The following SV2B variants were observed in gnomAD, a reference collection of about 807,000 sequenced individuals.
SV2B encodes synaptic vesicle glycoprotein 2B.
A neutral mutation model predicts 73.9 loss-of-function variants in SV2B; 41 were observed. The ratio of observed to expected loss-of-function variants is 0.56; its 90% CI spans 0.43 to 0.72. The LOEUF is 0.72. Among genes scored for constraint, SV2B ranks in the 30% least tolerant of loss-of-function variants. SV2B has a pLI of 0.00. For synonymous variants in SV2B, 314 were observed against 314.2 expected (o/e 1.00, Z 0.01); for missense variants, 764 against 857.8 (o/e 0.89, Z 1.37).
In SV2B at chr15:91,229,239, G is replaced by T. The variant is rs944518954; in HGVS notation, c.451+2525G>T. Among the ~76,000 whole-genome samples the T allele has an allele frequency of 6.6e-6, 1 of 151,966 alleles. No homozygotes were observed. Among genetic ancestry groups the T allele is most frequent in the Non-Finnish European group, 1.5e-5 (1 of 68,016 alleles). ...ACTGGAGTCCAACCTCTAGGGTTTG[G>T]CGACTGGGTACGTCCTACATGTCAT... On this transcript the variant is annotated intron_variant, in intron 2 of 12. Transcript: ENST00000394232. This position sits in a 1 kb window ranked among gnomAD's most constrained non-coding sequence, Gnocchi z 4.3.
At position 91,240,079 on chromosome 15, in the gene SV2B, C is replaced by A. The variant is rs2046947013; in HGVS notation, c.452-11740C>A. Among the ~76,000 whole-genome samples, 3 of 152,140 alleles carry A rather than the reference C, an allele frequency of 2.0e-5. No individual in the cohort carries two copies. Among genetic ancestry groups the A allele is most frequent in the Admixed American group, 2.0e-4 (3 of 15,290 alleles). On this transcript the variant is annotated intron_variant, in intron 2 of 12. Coordinates refer to ENST00000394232, the MANE Select transcript of SV2B (RefSeq NM_001323032.3). This position sits in a 1 kb window ranked among gnomAD's most constrained non-coding sequence, Gnocchi z 4.6. The stretch of plus-strand genomic sequence containing the variant: ...TCTCTGAACACGTTTAATACCTGAA[C>A]AAAAGCCAGGGTTCCCTTAGCAAGG...
rs2042242378 is a variant in SV2B at position 91,118,626 on chromosome 15, C to T, written c.-392+18263C>T. Among the ~76,000 whole-genome samples, 1 of 152,140 alleles carries T rather than the reference C, an allele frequency of 6.6e-6. No individual in the cohort carries two copies. Among genetic ancestry groups the T allele is most frequent in the Admixed American group, 6.5e-5 (1 of 15,274 alleles). On this transcript the variant is annotated intron_variant, in intron 1 of 12. Transcript: ENST00000394232. This position sits in a 1 kb window ranked among gnomAD's most constrained non-coding sequence, Gnocchi z 4.7. ...GGGTCTGAAGCGGGACCCAGCTGCC[C>T]CTTTCTGAGAGGCTCCCTACTGCCC...
intron 1 of SV2B, among the ~76,000 whole-genome samples, chr15:91,206,714 G>A (rs1450031870): frequency 6.6e-6 from 1 of 152,018 alleles, no homozygotes; most frequent in Non-Finnish European, 1.5e-5. Flanking sequence ...TTGTTAGCTG[G>A]TATACTCATA....
chr15:91,142,823 T>C (rs1039146557), intron 1 of SV2B, among the ~76,000 whole-genome samples: 1 of 152,240 alleles, frequency 6.6e-6, no homozygotes, highest in Non-Finnish European at 1.5e-5. Flanking sequence ...GACAGTAGGG[T>C]CCATTCTAAA....
chr15:91,150,549 G>A (rs2043283577), intron 1 of SV2B, among the ~76,000 whole-genome samples: 2 of 152,168 alleles, frequency 1.3e-5, no homozygotes, highest in Admixed American at 6.5e-5. Context: ...TACACACTTG[G>A]ATTTGTTTGT....
intron 1 of SV2B, among the ~76,000 whole-genome samples, chr15:91,108,895 G>C (rs2041962347): frequency 1.3e-5 from 2 of 152,180 alleles, no homozygotes; most frequent in Non-Finnish European, 2.9e-5. Context: ...AGAAGCCTGT[G>C]GTCCCGTTAA....
intron 1 of SV2B, among the ~76,000 whole-genome samples, chr15:91,179,787 T>C (rs1346939060): frequency 6.6e-5 from 10 of 152,232 alleles, no homozygotes; most frequent in African/African-American, 1.9e-4. Context: ...TATGTGTGTC[T>C]CTGCCCGTGA....
intron 1 of SV2B, among the ~76,000 whole-genome samples, chr15:91,163,895 A>G (rs1443191722): frequency 1.3e-5 from 2 of 152,156 alleles, no homozygotes; most frequent in East Asian, 1.9e-4. Context: ...TTATGGTTTT[A>G]GGTCTAACAT....
chr15:91,150,082 C>A (rs2043267648), intron 1 of SV2B, among the ~76,000 whole-genome samples: 1 of 152,154 alleles, frequency 6.6e-6, no homozygotes, highest in Non-Finnish European at 1.5e-5. Flanking sequence ...TTGGCTACTG[C>A]AACCTCCACC....
chr15:91,111,840 G>A (rs2042043755), intron 1 of SV2B, among the ~76,000 whole-genome samples: 1 of 152,126 alleles, frequency 6.6e-6, no homozygotes. Context: ...CAGCAGGCAT[G>A]TCACATGGCA....
intron 1 of SV2B, among the ~76,000 whole-genome samples, chr15:91,203,704 A>G (rs1275103930): frequency 8.5e-5 from 13 of 152,232 alleles, no homozygotes; most frequent in Admixed American, 8.5e-4. Context: ...GCTCTGGAAT[A>G]TGGAGACCTG....
chr15:91,287,823 C>T (rs535086291), intron 11 of SV2B, among the ~76,000 whole-genome samples: 1 of 152,162 alleles, frequency 6.6e-6, no homozygotes, highest in Non-Finnish European at 1.5e-5. Context: ...GTGAGGCACC[C>T]AGACACTAGC....
At chr15:91,135,584 G>T (rs1417836998) in intron 1 of SV2B, among the ~76,000 whole-genome samples, 2 of 152,198 alleles carry the variant, frequency 1.3e-5, no homozygotes, top group Non-Finnish European at 2.9e-5. Flanking sequence ...TAACTGTGGG[G>T]CTGAATGTAA....
chr15:91,186,702 A>G (rs1174190057), intron 1 of SV2B, among the ~76,000 whole-genome samples: 1 of 152,054 alleles, frequency 6.6e-6, no homozygotes, highest in African/African-American at 2.4e-5. Context: ...GACGCTGGAG[A>G]CTCAGAAGGC....
At chr15:91,099,773 C>T (rs539742175), upstream of SV2B, among the ~76,000 whole-genome samples, 1 of 152,286 alleles carries the variant, frequency 6.6e-6, no homozygotes, top group East Asian at 1.9e-4. Context: ...TTGGGGGCGG[C>T]GTGATCAGAG....
At chr15:91,278,603 C>T (rs1376139029) in intron 9 of SV2B, among the ~76,000 whole-genome samples, 12 of 125,314 alleles carry the variant, frequency 9.6e-5, no homozygotes, top group South Asian at 2.4e-4. Flanking sequence ...GGCGTGAACC[C>T]GGGAAGCGGA....
chr15:91,221,697 A>ACACACACC, intron 1 of SV2B, among the ~76,000 whole-genome samples: 1 of 113,276 alleles, frequency 8.8e-6, no homozygotes. Context: ...ATGTGCGCAC[A>ACACACACC]CACACACACA....
At position 91,100,754 on chromosome 15, in the gene SV2B, T is replaced by G. The variant is rs564547523; in HGVS notation, c.-392+391T>G. Among the ~76,000 whole-genome samples, 2 of 152,232 alleles carry G rather than the reference T, an allele frequency of 1.3e-5. No homozygotes were observed. The highest frequency in any genetic ancestry group is 2.9e-5 in the Non-Finnish European group (2 of 68,040). Reference sequence around the variant, plus strand: ...TCTAGTAGATAGATTTTGTTATTGTTGTTGGCTTGTTCTTAAAGAACAGAA... The same window carrying G: ...TCTAGTAGATAGATTTTGTTATTGTGGTTGGCTTGTTCTTAAAGAACAGAA... On this transcript the variant is annotated intron_variant, in intron 1 of 12. Transcript: ENST00000394232. This position sits in a 1 kb window ranked among gnomAD's most constrained non-coding sequence, Gnocchi z 6.4.
intron 9 of SV2B, among the ~76,000 whole-genome samples, chr15:91,271,122 G>A (rs980561768): frequency 2.0e-5 from 3 of 152,164 alleles, no homozygotes; most frequent in Non-Finnish European, 4.4e-5. Context: ...GGTGGATGGT[G>A]AATCCTGTGG....
Sources: gnomAD v4.1 joint callset for allele counts (sites outside exome capture counted in the v4.1 genomes callset) on GRCh38, gnomAD v4.1.1 for gene constraint, Gnocchi (gnomAD v3.1) non-coding constraint, MANE v1.5 for transcripts, NCBI Gene and HGNC (gene_info 2026-07-23, HGNC 2026-07-21) for gene names.